The following CTNNA3 variants were observed in gnomAD, a reference collection of about 807,000 sequenced individuals.
CTNNA3 encodes the protein catenin alpha-3.
Under a neutral mutation model 95.7 loss-of-function variants are expected in CTNNA3, and 76 were observed. The ratio of observed to expected loss-of-function variants is 0.79; its 90% CI spans 0.66 to 0.96. The LOEUF (loss-of-function observed/expected upper bound fraction) is 0.96. Ranked by LOEUF, CTNNA3 falls within the 40% of genes least tolerant of loss-of-function variation. The pLI, the probability that CTNNA3 is intolerant of heterozygous loss-of-function variation, is 0.00. For missense variants in CTNNA3, 1,191 were observed against 1,089.8 expected, an observed-to-expected ratio of 1.09 and a Z score of -1.31; for synonymous variants, 431 against 374.4, an observed-to-expected ratio of 1.15 and a Z score of -1.74.
At chr10:67,094,122 T>C (rs1224393321) in intron 7 of CTNNA3, among the ~76,000 whole-genome samples, 5 of 151,952 alleles carry the variant, frequency 3.3e-5, no homozygotes, top group African/African-American at 1.2e-4. Flanking sequence ...ACAAACAATA[T>C]ATGTAATATT....
intron 5 of CTNNA3, among the ~76,000 whole-genome samples, chr10:67,469,267 G>A (rs1847724502): frequency 6.6e-6 from 1 of 152,096 alleles, no homozygotes; most frequent in African/African-American, 2.4e-5. Context: ...TACTTTCAAA[G>A]TCCTAACACC....
intron 5 of CTNNA3, among the ~76,000 whole-genome samples, chr10:67,376,774 A>G (rs559869745): frequency 1.3e-5 from 2 of 152,262 alleles, no homozygotes; most frequent in Admixed American, 6.5e-5. Flanking sequence ...AATCTTGGAA[A>G]CCCTCTTAAG....
rs894507358 is a variant in CTNNA3, at chr10:66,958,039, C to T, written c.1048-182515G>A. On this transcript the variant is annotated intron_variant, in intron 7 of 17. Coordinates refer to ENST00000433211, the MANE Select transcript of CTNNA3 (RefSeq NM_013266.4). ...TACATAGAACTAGAGGGGCCAAAAG[C>T]AGTTATTGAACACACAAACTATGCA... Among the ~76,000 whole-genome samples, 66 of 152,124 alleles carry T rather than the reference C, an allele frequency of 4.3e-4. 1 individual carries two copies. Among genetic ancestry groups the T allele is most frequent in the African/African-American group, 1.4e-3 (60 of 41,506 alleles).
rs532484127 is a variant in CTNNA3 at position 66,574,212 on chromosome 10, C to T, written c.1374+47480G>A. On this transcript the variant is annotated intron_variant, in intron 10 of 17. Coordinates refer to ENST00000433211, the MANE Select transcript of CTNNA3 (RefSeq NM_013266.4). Reference sequence around the variant, plus strand: ...ATAATAGGGTGATAATCTGATAATCCGGGGTGCAGTGGAGGCAGGGAAGAA... The same window carrying T: ...ATAATAGGGTGATAATCTGATAATCTGGGGTGCAGTGGAGGCAGGGAAGAA... Among the ~76,000 whole-genome samples, 74 of 151,524 alleles carry T rather than the reference C, an allele frequency of 4.9e-4. 1 individual carries two copies. Among genetic ancestry groups the T allele is most frequent in the Non-Finnish European group, 6.6e-4 (45 of 67,888 alleles).
chr10:66,106,006 G>A (rs577862187), intron 13 of CTNNA3, among the ~76,000 whole-genome samples: 1 of 152,136 alleles, frequency 6.6e-6, no homozygotes, highest in South Asian at 2.1e-4. Context: ...TCAGATGTTC[G>A]AGACCAGCCT....
chr10:67,693,829 C>T (rs1003120765), intron 1 of CTNNA3, among the ~76,000 whole-genome samples: 8 of 152,134 alleles, frequency 5.3e-5, no homozygotes, highest in African/African-American at 1.9e-4. Context: ...GGTTCTCAAA[C>T]TCAACAATGA....
chr10:66,773,618 C>T (rs1410772875), intron 8 of CTNNA3, among the ~76,000 whole-genome samples: 1 of 152,162 alleles, frequency 6.6e-6, no homozygotes, highest in African/African-American at 2.4e-5. Context: ...CCCGCTGACG[C>T]CCAGCCAACC....
At chr10:66,600,368 G>T (rs1031935701) in intron 10 of CTNNA3, among the ~76,000 whole-genome samples, 1 of 151,688 alleles carries the variant, frequency 6.6e-6, no homozygotes, top group African/African-American at 2.4e-5. Flanking sequence ...TATCACTCAT[G>T]TGCGTGTTCA....
At chr10:66,583,466 GC>G (rs1321743437) in intron 10 of CTNNA3, among the ~76,000 whole-genome samples, 1 of 151,740 alleles carries the variant, frequency 6.6e-6, no homozygotes, top group Non-Finnish European at 1.5e-5. Context: ...TAGTTTGTGT[GC>G]ATAGAGCTCT....
chr10:66,686,513 G>T (rs1407392034), intron 9 of CTNNA3, among the ~76,000 whole-genome samples: 1 of 152,072 alleles, frequency 6.6e-6, no homozygotes, highest in African/African-American at 2.4e-5. Context: ...AAATAAATAA[G>T]AAGCTGTTTT....
chr10:66,499,952 G>A (rs981029049), intron 11 of CTNNA3, among the ~76,000 whole-genome samples: 5 of 151,770 alleles, frequency 3.3e-5, no homozygotes, highest in African/African-American at 4.8e-5. Flanking sequence ...ACAGGTGCCC[G>A]CCACCATGCC....
At chr10:67,089,053 G>A (rs994624881) in intron 7 of CTNNA3, among the ~76,000 whole-genome samples, 3 of 151,992 alleles carry the variant, frequency 2.0e-5, no homozygotes, top group South Asian at 2.1e-4. Flanking sequence ...ATGGGAGGAT[G>A]TGTGTGGATT....
At chr10:66,198,898 G>A (rs930909278) in intron 13 of CTNNA3, among the ~76,000 whole-genome samples, 5 of 152,072 alleles carry the variant, frequency 3.3e-5, no homozygotes, top group Non-Finnish European at 7.4e-5. Flanking sequence ...CCTTTTGAAG[G>A]TTTTGAAGAA....
chr10:66,901,791 A>G (rs530282130), intron 7 of CTNNA3, among the ~76,000 whole-genome samples: 170 of 152,366 alleles, frequency 1.1e-3, no homozygotes, highest in African/African-American at 3.9e-3. Context: ...AGGCCATTAC[A>G]TAATGGTAAA....
At chr10:67,531,132 T>C (rs1184642487) in intron 4 of CTNNA3, among the ~76,000 whole-genome samples, 4 of 151,628 alleles carry the variant, frequency 2.6e-5, no homozygotes, top group African/African-American at 9.7e-5. Flanking sequence ...TTAGGAAGAG[T>C]GGAAGGGAAA....
At chr10:65,989,389 T>TTATA (rs1178116314) in intron 15 of CTNNA3, among the ~76,000 whole-genome samples, 1 of 152,184 alleles carries the variant, frequency 6.6e-6, no homozygotes, top group Non-Finnish European at 1.5e-5. Context: ...CAGGTGTTTA[T>TTATA]TATAGTAAAA....
intron 9 of CTNNA3, among the ~76,000 whole-genome samples, chr10:66,750,625 A>T (rs1213525894): frequency 1.3e-5 from 2 of 152,228 alleles, no homozygotes; most frequent in Non-Finnish European, 2.9e-5. Flanking sequence ...GCTTTACAAT[A>T]AGGCCTGAAG....
chr10:66,080,197 C>T (rs1214626122), intron 14 of CTNNA3, among the ~76,000 whole-genome samples: 1 of 152,116 alleles, frequency 6.6e-6, no homozygotes, highest in Non-Finnish European at 1.5e-5. Context: ...CCATAGGCCA[C>T]TTTTCTTCTC....
chr10:67,382,707 A>T (rs558634718), intron 5 of CTNNA3, among the ~76,000 whole-genome samples: 217 of 152,232 alleles, frequency 1.4e-3, no homozygotes, highest in Non-Finnish European at 2.7e-3. Context: ...TAAAGAAAAG[A>T]GGTTTATTTG....
Sources: allele counts gnomAD v4.1 joint callset (sites outside exome capture counted in the v4.1 genomes callset), GRCh38; gene constraint gnomAD v4.1.1; transcripts MANE v1.5; gene names NCBI Gene and HGNC (gene_info 2026-07-23, HGNC 2026-07-21).